Variants in SNX31 observed in about 807,000 individuals in gnomAD.
SNX31 encodes the protein sorting nexin 31.
In SNX31, 58 loss-of-function variants were observed where a neutral mutation model predicts 65.4. That is an observed-to-expected ratio of 0.89 (90% confidence interval 0.72 to 1.10). The LOEUF (loss-of-function observed/expected upper bound fraction) is 1.10. Ranked by LOEUF, SNX31 falls within the 50% of genes least tolerant of loss-of-function variation. SNX31 has a pLI of 0.00. For synonymous variants in SNX31, 181 were observed against 190.1 expected, an observed-to-expected ratio of 0.95 and a Z score of 0.39; for missense variants, 523 against 529.7, an observed-to-expected ratio of 0.99 and a Z score of 0.12.
intron 12 of SNX31, among the ~76,000 whole-genome samples, chr8:100,577,369 A>G (rs1813133100): frequency 6.6e-6 from 1 of 152,238 alleles, no homozygotes; most frequent in Admixed American, 6.5e-5. Flanking sequence ...ACGAAATGAA[A>G]TGTCCTTCTA....
chr8:100,641,781 AG>A (rs959709397), intron 2 of SNX31, among the ~76,000 whole-genome samples: 9 of 148,044 alleles, frequency 6.1e-5, no homozygotes, highest in African/African-American at 2.2e-4. Flanking sequence ...GATTAAACCT[AG>A]TATAAAATAT....
chr8:100,595,263 A>C (rs1814966247), intron 10 of SNX31, among the ~76,000 whole-genome samples: 1 of 151,898 alleles, frequency 6.6e-6, no homozygotes. Context: ...ATCCATCCAC[A>C]CAGGGCATGT....
rs1304574189 is a variant in SNX31 at position 100,660,469 on chromosome 8, C to T, written c.-58+2673G>A. Among the ~76,000 whole-genome samples, 1 of 152,202 alleles carries T rather than the reference C, an allele frequency of 6.6e-6. No individual in the cohort carries two copies. Among genetic ancestry groups the T allele is most frequent in the Non-Finnish European group, 1.5e-5 (1 of 68,036 alleles). The stretch of plus-strand genomic sequence containing the variant: ...TGTTTCCTGTAAAGACAATGTTTTA[C>T]CCATGCCCGCAGGCTCTTCAGAGTG... On this transcript the variant is annotated intron_variant, in intron 1 of 5. Transcript: ENST00000520352. This position sits in a 1 kb window ranked among gnomAD's most constrained non-coding sequence, Gnocchi z 4.1.
chr8:100,574,303 C>G (rs952724558), intron 13 of SNX31, among the ~76,000 whole-genome samples: 37 of 152,176 alleles, frequency 2.4e-4, no homozygotes, highest in African/African-American at 8.7e-4. Context: ...TGCCCAAAAT[C>G]TTTAGTGCAC....
intron 8 of SNX31, among the ~76,000 whole-genome samples, chr8:100,603,447 T>C (rs968039572): frequency 3.3e-5 from 5 of 151,994 alleles, no homozygotes; most frequent in African/African-American, 1.2e-4. Context: ...CTTTTTTTTT[T>C]TTTTTGAGAC....
chr8:100,574,351 C>T (rs957514059), intron 13 of SNX31, among the ~76,000 whole-genome samples: 7 of 152,094 alleles, frequency 4.6e-5, no homozygotes, highest in Non-Finnish European at 1.0e-4. Flanking sequence ...AGAGGCTGGG[C>T]GGCCAGGCGC....
intron 3 of SNX31, among the ~76,000 whole-genome samples, chr8:100,635,465 T>G (rs1013501218): frequency 1.3e-5 from 2 of 150,994 alleles, no homozygotes; most frequent in Non-Finnish European, 2.9e-5. Flanking sequence ...GGTCTTGAAC[T>G]CCTGGCCTCA....
In SNX31 at chr8:100,576,926, A is replaced by G; in HGVS notation, c.1227+93T>C. ...CTTCTGAGAAACATAATTCTGACTTATTATTGAAAGTGAGATGACTTTGGT... is the reference window on the plus strand; with the variant it reads ...CTTCTGAGAAACATAATTCTGACTTGTTATTGAAAGTGAGATGACTTTGGT... On this transcript the variant is annotated intron_variant, in intron 13 of 13. Transcript: ENST00000311812. This position sits in a 1 kb window ranked among gnomAD's most constrained non-coding sequence, Gnocchi z 4.8. 1 of 1,014,586 alleles carries G rather than the reference A, an allele frequency of 9.9e-7. No homozygotes were observed. The highest frequency in any genetic ancestry group is 1.5e-6 in the Non-Finnish European group (1 of 669,386). The allele number at this position is 1,014,586 out of a possible 1,614,324, so 62.8% of individuals were successfully genotyped here.
intron 4 of SNX31, among the ~76,000 whole-genome samples, chr8:100,623,938 A>G (rs557325179): frequency 6.8e-6 from 1 of 147,380 alleles, no homozygotes; most frequent in Admixed American, 6.9e-5. Flanking sequence ...GAGTTTAGTC[A>G]TATGTTTTGA....
chr8:100,631,825 G>A (rs1390098412), intron 3 of SNX31, among the ~76,000 whole-genome samples: 2 of 152,154 alleles, frequency 1.3e-5, no homozygotes, highest in Non-Finnish European at 2.9e-5. Flanking sequence ...CTGCAATGGG[G>A]CATATAGTCA....
intron 1 of SNX31, among the ~76,000 whole-genome samples, chr8:100,659,932 C>A (rs1809754692): frequency 6.6e-6 from 1 of 151,814 alleles, no homozygotes; most frequent in Admixed American, 6.6e-5. Context: ...TAAAATGAGA[C>A]AAACTCTTTG....
chr8:100,613,023 A>C lies in SNX31; in HGVS notation c.495T>G (p.Ile165Met). The change falls in exon 6 of 14, where the codon ATT (isoleucine) becomes ATG (methionine). Residue 165 changes from isoleucine (I) to methionine (M), a missense_variant. Ile to Met is a conservative substitution (Grantham distance 10). Coordinates refer to ENST00000311812, the MANE Select transcript of SNX31 (RefSeq NM_152628.4). The surrounding 1 kb of genome is among the most constrained non-coding windows in gnomAD (Gnocchi z 5.2). Reference sequence around the variant, plus strand: ...AGAGCTTGCCCTCCTTGCCAAACCGAATGAGAAAGAGGCCGAAGTAGCCCA... The same window carrying C: ...AGAGCTTGCCCTCCTTGCCAAACCGCATGAGAAAGAGGCCGAAGTAGCCCA... The part of the protein sequence containing the change: ...ELLGYFGLFL[I>M]RFGKEGKLSV... The C allele has an allele frequency of 6.2e-7, 1 of 1,613,986 alleles. No individual in the cohort carries two copies. The highest frequency in any genetic ancestry group is 2.2e-5 in the East Asian group (1 of 44,870).
At chr8:100,581,105 G>A (rs1461270368) in intron 12 of SNX31, among the ~76,000 whole-genome samples, 2 of 146,506 alleles carry the variant, frequency 1.4e-5, no homozygotes, top group Non-Finnish European at 3.0e-5. Flanking sequence ...AGACCAGCCT[G>A]GAAAACACAG....
chr8:100,618,525 G>A (rs768028482), intron 4 of SNX31: 3 of 600,218 alleles, frequency 5.0e-6, no homozygotes, highest in Non-Finnish European at 5.9e-6. Flanking sequence ...GATCCCTCAC[G>A]TTTAAGGGCT....
Position 100,573,053 on chromosome 8 carries a change from G to A in SNX31, c.*812C>T, listed in dbSNP as rs1021403395. 16 of 152,476 alleles carry A rather than the reference G, an allele frequency of 1.0e-4. No homozygotes were observed. Among genetic ancestry groups the A allele is most frequent in the African/African-American group, 3.6e-4 (15 of 41,398 alleles). 9.4% of individuals were successfully genotyped at this position (152,476 alleles called of 1,614,324 possible). ...TTACATTAATTACCATGAGAGAAAT[G>A]AAGCTAGATAAGGAAAAACCTTGTG... On this transcript the variant is annotated 3_prime_UTR_variant, in exon 14 of 14. Transcript: ENST00000311812.
At chr8:100,596,298 C>G (rs946714480) in intron 10 of SNX31, among the ~76,000 whole-genome samples, 2 of 152,180 alleles carry the variant, frequency 1.3e-5, no homozygotes, top group Non-Finnish European at 2.9e-5. Context: ...CAGTGCCAGT[C>G]TTGAAGGGTA....
intron 2 of SNX31, among the ~76,000 whole-genome samples, chr8:100,643,898 A>G (rs7835801): frequency 0.48 from 73,146 of 151,980 alleles, 17,905 homozygotes; most frequent in African/African-American, 0.56. Flanking sequence ...GGAGCATGAC[A>G]AGGTTGAAAC....
intron 5 of SNX31, among the ~76,000 whole-genome samples, chr8:100,616,698 G>A (rs917420281): frequency 1.3e-5 from 2 of 152,138 alleles, no homozygotes; most frequent in Non-Finnish European, 2.9e-5. Flanking sequence ...TCGAGAGGAG[G>A]AAACGGAGAG....
intron 2 of SNX31, among the ~76,000 whole-genome samples, chr8:100,638,296 T>A (rs867000266): frequency 1.3e-5 from 2 of 152,370 alleles, no homozygotes; most frequent in South Asian, 4.1e-4. Context: ...TAGCCACCTG[T>A]GAGTAAATTT....
Sources: gnomAD v4.1 joint callset for allele counts (sites outside exome capture counted in the v4.1 genomes callset) on GRCh38, gnomAD v4.1.1 for gene constraint, Gnocchi (gnomAD v3.1) non-coding constraint, MANE v1.5 for transcripts, NCBI Gene and HGNC (gene_info 2026-07-23, HGNC 2026-07-21) for gene names.